The following CNTN5 variants were observed in gnomAD, a reference collection of about 807,000 sequenced individuals.
CNTN5 encodes the protein contactin 5.
In CNTN5, 77 loss-of-function variants were observed where a neutral mutation model predicts 129.1. The ratio of observed to expected loss-of-function variants is 0.60; its 90% confidence interval spans 0.50 to 0.72. The LOEUF (loss-of-function observed/expected upper bound fraction) is 0.72. CNTN5 is among the 30% of genes least tolerant of loss of function. The pLI is 0.00. For missense variants in CNTN5, 1,478 were observed against 1,328.8 expected (o/e 1.11, Z -1.75); for synonymous variants, 509 against 465.6 (o/e 1.09, Z -1.20).
chr11:99,409,830 T>C (rs575822415), intron 2 of CNTN5, among the ~76,000 whole-genome samples: 1 of 151,754 alleles, frequency 6.6e-6, no homozygotes, highest in South Asian at 2.1e-4. Context: ...GTAAGAATTA[T>C]GTGACTACTT....
intron 13 of CNTN5, among the ~76,000 whole-genome samples, chr11:100,124,318 T>C (rs1465746290): frequency 6.6e-6 from 1 of 152,078 alleles, no homozygotes; most frequent in African/African-American, 2.4e-5. Flanking sequence ...TTTCCTATTA[T>C]TTGTGCAATA....
At chr11:99,944,397 G>A (rs1449665379) in intron 7 of CNTN5, among the ~76,000 whole-genome samples, 1 of 152,004 alleles carries the variant, frequency 6.6e-6, no homozygotes, top group Non-Finnish European at 1.5e-5. Context: ...CAAACCTATA[G>A]CCAATATCAT....
chr11:99,628,987 C>T (rs1951238626), intron 3 of CNTN5, among the ~76,000 whole-genome samples: 1 of 152,004 alleles, frequency 6.6e-6, no homozygotes, highest in Non-Finnish European at 1.5e-5. Context: ...CACATATTCA[C>T]AAGTACAAAT....
chr11:100,220,159 C>T (rs1949231173), intron 15 of CNTN5, among the ~76,000 whole-genome samples: 1 of 152,000 alleles, frequency 6.6e-6, no homozygotes, highest in Admixed American at 6.6e-5. Flanking sequence ...CACCTGTGGT[C>T]CCAGCTACTC....
intron 2 of CNTN5, among the ~76,000 whole-genome samples, chr11:99,463,750 G>A (rs1160974758): frequency 7.5e-6 from 1 of 132,996 alleles, no homozygotes; most frequent in Non-Finnish European, 1.6e-5. Flanking sequence ...AATGAAAAAT[G>A]CAAACTTATT....
chr11:99,676,457 AATAC>A, intron 3 of CNTN5, among the ~76,000 whole-genome samples: 1 of 152,326 alleles, frequency 6.6e-6, no homozygotes, highest in African/African-American at 2.4e-5. Flanking sequence ...TTTTCCAAGA[AATAC>A]ATTTCTTTCT....
intron 1 of CNTN5, among the ~76,000 whole-genome samples, chr11:99,182,047 C>T (rs1187335698): frequency 1.3e-5 from 2 of 152,180 alleles, no homozygotes; most frequent in African/African-American, 2.4e-5. Flanking sequence ...GTAATCCACT[C>T]ATCCACATTC....
At position 99,725,941 on chromosome 11, in the gene CNTN5, A is replaced by G. The variant is rs149083303; in HGVS notation, c.56-93603A>G. ...TCTCCATTAGTCTTTTTAAAGATAC[A>G]AGCTACTTCAGAATAGCCAAATAAG... is the stretch of plus-strand genomic sequence containing the variant. On this transcript the variant is annotated intron_variant, in intron 3 of 24. Coordinates refer to ENST00000524871, the MANE Select transcript of CNTN5 (RefSeq NM_014361.4). 4.4e-3 allele frequency among the ~76,000 whole-genome samples: 674 copies of G among 152,358 alleles called. 3 individuals are homozygous for G. The highest frequency in any genetic ancestry group is 0.015 in the African/African-American group (642 of 41,582).
At chr11:99,955,812 C>T (rs761434461) in intron 7 of CNTN5, among the ~76,000 whole-genome samples, 8 of 152,158 alleles carry the variant, frequency 5.3e-5, no homozygotes, top group Non-Finnish European at 1.0e-4. Flanking sequence ...GATCCGCCCG[C>T]CTCGGCCTCC....
chr11:99,282,293 A>G (rs1410403325), intron 1 of CNTN5, among the ~76,000 whole-genome samples: 1 of 152,086 alleles, frequency 6.6e-6, no homozygotes, highest in Non-Finnish European at 1.5e-5. Context: ...AGAAAAAGAA[A>G]TAGATAATAG....
At chr11:99,829,388 A>G (rs1734280037) in intron 4 of CNTN5, among the ~76,000 whole-genome samples, 1 of 152,230 alleles carries the variant, frequency 6.6e-6, no homozygotes. Flanking sequence ...TACTTTGGTC[A>G]TCCCCAGGCT....
intron 2 of CNTN5, among the ~76,000 whole-genome samples, chr11:99,329,281 C>T (rs1865909445): frequency 6.6e-6 from 1 of 152,174 alleles, no homozygotes; most frequent in African/African-American, 2.4e-5. Context: ...AAGGCATCCA[C>T]AGGTTGAAAA....
chr11:99,723,575 A>G (rs1943242292), intron 3 of CNTN5, among the ~76,000 whole-genome samples: 1 of 152,266 alleles, frequency 6.6e-6, no homozygotes, highest in East Asian at 1.9e-4. Context: ...TTTTTCTCCA[A>G]AGCATTTACT....
intron 3 of CNTN5, among the ~76,000 whole-genome samples, chr11:99,626,653 ATATG>A (rs1296035571): frequency 6.6e-5 from 10 of 152,246 alleles, no homozygotes; most frequent in African/African-American, 2.4e-4. Context: ...AAAATACTAT[ATATG>A]AGGATAAAGA....
intron 10 of CNTN5, among the ~76,000 whole-genome samples, chr11:100,063,706 T>TAAAAAAAAA (rs35896237): frequency 0.026 from 3,013 of 114,930 alleles, 70 homozygotes; most frequent in East Asian, 0.039. Context: ...AACCTGTCTC[T>TAAAAAAAAA]AAAAAAAAAA....
chr11:99,740,065 AT>A, intron 3 of CNTN5, among the ~76,000 whole-genome samples: 1 of 152,170 alleles, frequency 6.6e-6, no homozygotes, highest in Non-Finnish European at 1.5e-5. Context: ...TTATTTCAAA[AT>A]TTTAACAGTA....
intron 18 of CNTN5, among the ~76,000 whole-genome samples, chr11:100,276,790 A>G (rs557090637): frequency 6.6e-6 from 1 of 152,180 alleles, no homozygotes; most frequent in African/African-American, 2.4e-5. Context: ...CCCCTCAAGC[A>G]TCTATCCTTT....
At chr11:99,531,939 T>A (rs191852878) in intron 2 of CNTN5, among the ~76,000 whole-genome samples, 2,113 of 152,164 alleles carry the variant, frequency 0.014, 20 homozygotes, top group Non-Finnish European at 0.021. Context: ...AAGGGAAATA[T>A]GAGGTCGGAG....
rs547794805 is a variant in CNTN5, at chr11:99,905,879, G to T, written c.578-10175G>T. Among the ~76,000 whole-genome samples the T allele has an allele frequency of 2.1e-3, 316 of 152,126 alleles. 2 individuals are homozygous for T. The highest frequency in any genetic ancestry group is 0.014 in the Middle Eastern group (4 of 294). ...ACATCCCTTGTGAGATATGTTCCTA[G>T]GTATTTTATTCTCTTTGTAGCAATC... On this transcript the variant is annotated intron_variant, in intron 6 of 24. Transcript: ENST00000524871.
Sources: allele counts gnomAD v4.1 joint callset (sites outside exome capture counted in the v4.1 genomes callset), GRCh38; gene constraint gnomAD v4.1.1; transcripts MANE v1.5; gene names NCBI Gene and HGNC (gene_info 2026-07-23, HGNC 2026-07-21).